The following UBE2E2 variants were observed in gnomAD, a reference collection of about 807,000 sequenced individuals.
The protein encoded by UBE2E2 is ubiquitin-conjugating enzyme E2 E2.
In UBE2E2, 6 loss-of-function variants were observed where a neutral mutation model predicts 24.7. That is an observed-to-expected ratio of 0.24 (90% CI 0.13 to 0.48). UBE2E2 has a LOEUF of 0.48. Among genes scored for constraint, UBE2E2 ranks in the 20% least tolerant of loss-of-function variants. The pLI is 0.99. For synonymous variants in UBE2E2, 104 were observed against 83.6 expected (o/e 1.24, Z -1.33); for missense variants, 169 against 245.0 (o/e 0.69, Z 2.07).
At chr3:23,559,980 A>G (rs1034852911) in intron 5 of UBE2E2, among the ~76,000 whole-genome samples, 1 of 152,118 alleles carries the variant, frequency 6.6e-6, no homozygotes, top group Admixed American at 6.6e-5. Flanking sequence ...GCTGTTCAGT[A>G]TCTGTCTTAA....
intron 3 of UBE2E2, among the ~76,000 whole-genome samples, chr3:23,349,220 G>A (rs1695652236): frequency 6.6e-6 from 1 of 152,054 alleles, no homozygotes; most frequent in South Asian, 2.1e-4. Flanking sequence ...ATCCTGGAAG[G>A]ACAGTAAAAG....
At position 23,555,530 on chromosome 3, in the gene UBE2E2, G is replaced by T. The variant is rs1051437753; in HGVS notation, c.508+22829G>T. ...TGCTGGATATATACCCAAAGGAAAT[G>T]AAATACCACCTCATATAGATACCTG... On this transcript the variant is annotated intron_variant, in intron 5 of 5. Transcript: ENST00000396703. Among the ~76,000 whole-genome samples, 54 of 152,250 alleles carry T rather than the reference G, an allele frequency of 3.5e-4. 1 individual carries two copies. The highest frequency in any genetic ancestry group is 1.0e-3 in the African/African-American group (43 of 41,564).
intron 3 of UBE2E2, among the ~76,000 whole-genome samples, chr3:23,480,630 GA>G (rs34377610): frequency 1.7e-3 from 182 of 109,710 alleles, no homozygotes; most frequent in Admixed American, 2.4e-3. Flanking sequence ...CTTGTCTCAG[GA>G]AAAAAAAAAA....
At chr3:23,542,648 A>G (rs1335639371) in intron 5 of UBE2E2, among the ~76,000 whole-genome samples, 1 of 152,164 alleles carries the variant, frequency 6.6e-6, no homozygotes, top group Non-Finnish European at 1.5e-5. Flanking sequence ...GTTATTTTCA[A>G]AATTGATGTA....
chr3:23,304,913 A>T (rs769880255), intron 3 of UBE2E2, among the ~76,000 whole-genome samples: 4 of 152,072 alleles, frequency 2.6e-5, no homozygotes, highest in Admixed American at 6.6e-5. Flanking sequence ...AATCTTACCC[A>T]TGGATGATTT....
intron 3 of UBE2E2, among the ~76,000 whole-genome samples, chr3:23,378,197 G>T (rs1696571037): frequency 7.4e-6 from 1 of 134,324 alleles, no homozygotes; most frequent in African/African-American, 2.8e-5. Flanking sequence ...AATGTAGCCA[G>T]TGAGCAGAAT....
intron 3 of UBE2E2, among the ~76,000 whole-genome samples, chr3:23,249,725 G>A (rs1485800810): frequency 2.6e-5 from 4 of 151,580 alleles, no homozygotes; most frequent in African/African-American, 7.3e-5. Flanking sequence ...GCATGATCTC[G>A]GCTCACTGCA....
intron 4 of UBE2E2, among the ~76,000 whole-genome samples, chr3:23,510,039 C>T (rs1170897829): frequency 2.0e-5 from 3 of 152,060 alleles, no homozygotes; most frequent in Non-Finnish European, 4.4e-5. Flanking sequence ...AATAAACATA[C>T]GATTTTTTCT....
chr3:23,268,510 T>G (rs950361823), intron 3 of UBE2E2, among the ~76,000 whole-genome samples: 11 of 149,192 alleles, frequency 7.4e-5, no homozygotes, highest in Admixed American at 1.3e-4. Flanking sequence ...GTGAAGGACC[T>G]CTTCAAGGAG....
At chr3:23,314,077 T>G (rs1219691784) in intron 3 of UBE2E2, among the ~76,000 whole-genome samples, 1 of 152,184 alleles carries the variant, frequency 6.6e-6, no homozygotes, top group Non-Finnish European at 1.5e-5. Flanking sequence ...CTTTTTGCTG[T>G]TTTTACTTAT....
intron 2 of UBE2E2, among the ~76,000 whole-genome samples, chr3:23,210,974 C>T (rs1170558945): frequency 6.6e-6 from 1 of 152,142 alleles, no homozygotes; most frequent in Non-Finnish European, 1.5e-5. Context: ...CTCTCTTCCT[C>T]CAATTCAGCT....
At chr3:23,380,509 C>T (rs544583768) in intron 3 of UBE2E2, among the ~76,000 whole-genome samples, 96 of 152,330 alleles carry the variant, frequency 6.3e-4, no homozygotes, top group African/African-American at 2.3e-3. Flanking sequence ...TAGACGTGAG[C>T]CACCGGTGCC....
At chr3:23,372,670 T>C (rs1239372999) in intron 3 of UBE2E2, among the ~76,000 whole-genome samples, 1 of 152,108 alleles carries the variant, frequency 6.6e-6, no homozygotes, top group Non-Finnish European at 1.5e-5. Context: ...GCTGCTTTTC[T>C]TTTTTTTCTT....
At chr3:23,214,405 C>A (rs895701077) in intron 2 of UBE2E2, among the ~76,000 whole-genome samples, 1 of 151,766 alleles carries the variant, frequency 6.6e-6, no homozygotes, top group African/African-American at 2.4e-5. Context: ...AAGCACACAC[C>A]GCTATGACCA....
intron 3 of UBE2E2, among the ~76,000 whole-genome samples, chr3:23,226,687 G>A (rs1043818447): frequency 2.0e-5 from 3 of 152,132 alleles, no homozygotes; most frequent in East Asian, 1.9e-4. Context: ...GTTATTCTTG[G>A]GACAGTGAGT....
intron 3 of UBE2E2, among the ~76,000 whole-genome samples, chr3:23,444,069 T>A: frequency 6.6e-6 from 1 of 151,124 alleles, no homozygotes; most frequent in African/African-American, 2.4e-5. Context: ...AGTTTTGTTT[T>A]TTTTTTTTTT....
rs200766585 is a variant in UBE2E2, at chr3:23,532,709, A to G, written c.508+8A>G. Reference sequence around the variant, plus strand: ...TTACAGATTGCAACCCTGGTAAGAGACTTTAAATCTAGTATGAATTGGAGC... The same window carrying G: ...TTACAGATTGCAACCCTGGTAAGAGGCTTTAAATCTAGTATGAATTGGAGC... On this transcript the variant is annotated splice_region_variant and intron_variant, in intron 5 of 5. Transcript: ENST00000396703. 1.1e-3 allele frequency: 1,604 copies of G among 1,512,756 alleles called. 2 individuals carry two copies. Among genetic ancestry groups the G allele is most frequent in the Non-Finnish European group, 1.2e-3 (1,336 of 1,110,768 alleles). 93.7% of individuals were successfully genotyped at this position (1,512,756 alleles called of 1,614,324 possible). A position where few individuals can be genotyped will look rare whatever the true frequency, so the allele number is the denominator to read the frequency against.
At chr3:23,335,877 A>G (rs1258662288) in intron 3 of UBE2E2, among the ~76,000 whole-genome samples, 1 of 152,184 alleles carries the variant, frequency 6.6e-6, no homozygotes, top group East Asian at 1.9e-4. Flanking sequence ...AAAACTTACT[A>G]CGAACAAGGT....
At chr3:23,208,590 A>G (rs1410369115) in intron 1 of UBE2E2, 102 bp from the exon 2 acceptor site, 17 of 920,792 alleles carry the variant, frequency 1.8e-5, no homozygotes, top group Non-Finnish European at 2.4e-5. Flanking sequence ...AATCCATTTT[A>G]TATTGAGATT....
Sources: allele counts gnomAD v4.1 joint callset (sites outside exome capture counted in the v4.1 genomes callset), GRCh38; gene constraint gnomAD v4.1.1; transcripts MANE v1.5; gene names NCBI Gene and HGNC (gene_info 2026-07-23, HGNC 2026-07-21).